Variants in SERPINI2 observed in about 807,000 individuals in gnomAD.
SERPINI2 encodes the protein serpin I2.
In SERPINI2, 48 loss-of-function variants were observed where a neutral mutation model predicts 47.3. The observed-to-expected ratio is 1.02, with a 90% confidence interval of 0.81 to 1.29. SERPINI2 has a LOEUF of 1.29. Among genes scored for constraint, SERPINI2 ranks in the 50% most tolerant of loss-of-function variants. The probability of loss-of-function intolerance (pLI) is 0.00; values close to 1 mark genes in which losing one functional copy is unlikely to be tolerated. For synonymous variants in SERPINI2, 135 were observed against 149.3 expected, an observed-to-expected ratio of 0.90 and a Z score of 0.70; for missense variants, 448 against 456.9, an observed-to-expected ratio of 0.98 and a Z score of 0.18.
intron 6 of SERPINI2, among the ~76,000 whole-genome samples, chr3:167,449,666 G>A (rs934359350): frequency 6.9e-6 from 1 of 144,964 alleles, no homozygotes; most frequent in African/African-American, 2.7e-5. Flanking sequence ...GCTAATTTTT[G>A]TATTTTTAGT....
chr3:167,445,078 A>G (rs998127148), intron 8 of SERPINI2, among the ~76,000 whole-genome samples: 2 of 152,196 alleles, frequency 1.3e-5, no homozygotes, highest in Non-Finnish European at 2.9e-5. Flanking sequence ...GAACACTGAC[A>G]CAGCCATTAC....
At chr3:167,451,048 A>G (rs185125580) in intron 6 of SERPINI2, among the ~76,000 whole-genome samples, 2 of 152,332 alleles carry the variant, frequency 1.3e-5, no homozygotes, top group Non-Finnish European at 2.9e-5. Context: ...AATTAAGAGA[A>G]CAAGAAAACA....
intron 8 of SERPINI2, among the ~76,000 whole-genome samples, chr3:167,442,918 T>C (rs1749367708): frequency 6.6e-6 from 1 of 152,182 alleles, no homozygotes. Context: ...GTCATAAAGG[T>C]TAATTTCAAA....
intron 1 of SERPINI2, among the ~76,000 whole-genome samples, chr3:167,472,135 C>T (rs11922309): frequency 0.089 from 13,478 of 152,064 alleles, 622 homozygotes; most frequent in Non-Finnish European, 0.11. Flanking sequence ...ATGGTATCTC[C>T]AAATAGTTAT....
chr3:167,443,021 T>C (rs992312703), intron 8 of SERPINI2, among the ~76,000 whole-genome samples: 9 of 152,178 alleles, frequency 5.9e-5, no homozygotes, highest in Admixed American at 4.6e-4. Flanking sequence ...TTAACTCTAC[T>C]ATTCAGTCCA....
chr3:167,459,910 C>T (rs1266098868), intron 5 of SERPINI2, among the ~76,000 whole-genome samples: 1 of 151,946 alleles, frequency 6.6e-6, no homozygotes, highest in Non-Finnish European at 1.5e-5. Flanking sequence ...GAACACCACA[C>T]GAAGACAGAT....
At chr3:167,459,176 G>T (rs964606234) in intron 5 of SERPINI2, among the ~76,000 whole-genome samples, 1 of 150,204 alleles carries the variant, frequency 6.7e-6, no homozygotes, top group Non-Finnish European at 1.5e-5. Flanking sequence ...CCGGGTTCAC[G>T]CCATTCTCCT....
chr3:167,458,220 C>CTGTGTAGT (rs1749857898), intron 5 of SERPINI2, among the ~76,000 whole-genome samples: 2 of 146,546 alleles, frequency 1.4e-5, no homozygotes. Flanking sequence ...CTGTACATTG[C>CTGTGTAGT]TGTGTAGTCT....
intron 5 of SERPINI2, among the ~76,000 whole-genome samples, chr3:167,461,831 G>C (rs979020706): frequency 6.6e-6 from 1 of 151,892 alleles, no homozygotes; most frequent in African/African-American, 2.4e-5. Context: ...TGTTGCTCCT[G>C]CTGGTCTTGA....
chr3:167,465,953 T>C (rs756808627), intron 3 of SERPINI2, among the ~76,000 whole-genome samples: 5 of 152,184 alleles, frequency 3.3e-5, no homozygotes, highest in Non-Finnish European at 2.9e-5. Context: ...TTTGTAACCA[T>C]TGTATGTCAG....
exon 2 of SERPINI2, chr3:167,471,599 T>A (rs1397584052): frequency 6.2e-7 from 1 of 1,613,492 alleles, no homozygotes; most frequent in African/African-American, 1.3e-5. Context: ...AGCTGAGGTT[T>A]CCTGTTGTTT....
chr3:167,460,248 TAAAAGAACCAC>T (rs1749947618), intron 5 of SERPINI2, among the ~76,000 whole-genome samples: 1 of 152,216 alleles, frequency 6.6e-6, no homozygotes, highest in Non-Finnish European at 1.5e-5. Context: ...TATTCAGATG[TAAAAGAACCAC>T]CGCATTCAGT....
Position 167,465,878 on chromosome 3 carries a change from C to T in SERPINI2, c.479-205G>A, listed in dbSNP as rs188959456. ...AACAGGTGCAAATGGAATTTCACTA[C>T]GAAATTAGAAATATGAGACTGTTTT... is the stretch of plus-strand genomic sequence containing the variant. On this transcript the variant is annotated intron_variant, in intron 3 of 8. Coordinates refer to ENST00000264677, the Ensembl canonical transcript of SERPINI2. Among the ~76,000 whole-genome samples, 156 of 152,050 alleles carry T rather than the reference C, an allele frequency of 1.0e-3. 1 individual carries two copies. The highest frequency in any genetic ancestry group is 9.7e-3 in the Admixed American group (148 of 15,264).
upstream of SERPINI2, among the ~76,000 whole-genome samples, chr3:167,476,452 C>T (rs1350768092): frequency 6.6e-6 from 1 of 151,838 alleles, no homozygotes; most frequent in Non-Finnish European, 1.5e-5. Context: ...TTCTTAATTC[C>T]TTTTACAGAA....
chr3:167,455,282 G>A (rs1246055986), intron 5 of SERPINI2, among the ~76,000 whole-genome samples: 1 of 152,222 alleles, frequency 6.6e-6, no homozygotes, highest in African/African-American at 2.4e-5. Context: ...TTAAAAGAGA[G>A]TAATTCACTC....
At chr3:167,450,749 G>A (rs910187238) in intron 6 of SERPINI2, among the ~76,000 whole-genome samples, 1 of 152,074 alleles carries the variant, frequency 6.6e-6, no homozygotes. Flanking sequence ...GAATGACCTA[G>A]TGGCCCACAC....
At chr3:167,460,546 G>A (rs6444344) in intron 5 of SERPINI2, among the ~76,000 whole-genome samples, 19,225 of 152,084 alleles carry the variant, frequency 0.13, 1,371 homozygotes, top group African/African-American at 0.2. Flanking sequence ...TAGTAAAAAA[G>A]TGAATGCATT....
At chr3:167,466,288 A>T (rs770985065) in intron 3 of SERPINI2, among the ~76,000 whole-genome samples, 2 of 152,050 alleles carry the variant, frequency 1.3e-5, no homozygotes, top group Non-Finnish European at 2.9e-5. Flanking sequence ...CGCTTATCTC[A>T]CACTTTCAAC....
exon 2 of SERPINI2, chr3:167,471,829 G>T (rs772939509): frequency 8.1e-6 from 13 of 1,608,912 alleles, no homozygotes; most frequent in Non-Finnish European, 1.1e-5. Flanking sequence ...AGAAGATTGT[G>T]TCCATTTTGA....
Sources: gnomAD v4.1 joint callset for allele counts (sites outside exome capture counted in the v4.1 genomes callset) on GRCh38, gnomAD v4.1.1 for gene constraint, MANE v1.5 for transcripts, NCBI Gene and HGNC (gene_info 2026-07-23, HGNC 2026-07-21) for gene names.